Variants in PLEKHG7 observed in about 807,000 individuals in gnomAD.
The protein encoded by PLEKHG7 is pleckstrin homology domain-containing family G member 7.
PLEKHG7 carries 77 observed loss-of-function variants against 85.2 expected under a neutral mutation model. The observed-to-expected ratio is 0.90, with a 90% confidence interval of 0.75 to 1.09. PLEKHG7 has a LOEUF of 1.09. PLEKHG7 is among the 50% of genes least tolerant of loss of function. PLEKHG7 has a pLI of 0.00. For missense variants in PLEKHG7, 777 were observed against 804.3 expected (o/e 0.97, Z 0.41); for synonymous variants, 301 against 302.4 (o/e 1.00, Z 0.05).
At chr12:92,751,079 T>C (rs1872679195) in intron 10 of PLEKHG7, among the ~76,000 whole-genome samples, 1 of 152,226 alleles carries the variant, frequency 6.6e-6, no homozygotes, top group Admixed American at 6.5e-5. Flanking sequence ...ACTGCATTTA[T>C]AGGTCGATTT....
intron 7 of PLEKHG7, among the ~76,000 whole-genome samples, chr12:92,739,049 A>T (rs1872267779): frequency 6.6e-6 from 1 of 152,102 alleles, no homozygotes; most frequent in Non-Finnish European, 1.5e-5. Flanking sequence ...CTCAAAACAA[A>T]ACAAAACAAA....
At chr12:92,732,982 G>A (rs1188351517) in intron 5 of PLEKHG7, among the ~76,000 whole-genome samples, 5 of 152,164 alleles carry the variant, frequency 3.3e-5, no homozygotes, top group Admixed American at 6.6e-5. Flanking sequence ...CAGCAGCAGC[G>A]GGGCCTTATG....
chr12:92,735,212 T>C (rs1350204151), intron 5 of PLEKHG7, among the ~76,000 whole-genome samples: 1 of 152,240 alleles, frequency 6.6e-6, no homozygotes, highest in East Asian at 1.9e-4. Flanking sequence ...GCAGTCACTA[T>C]GGTTTCAGAC....
chr12:92,755,124 G>A (rs933666987), intron 11 of PLEKHG7, among the ~76,000 whole-genome samples: 2 of 152,138 alleles, frequency 1.3e-5, no homozygotes, highest in Non-Finnish European at 2.9e-5. Flanking sequence ...TTACTCATTT[G>A]GATGGGTTTG....
rs556505399 is a variant in PLEKHG7 at position 92,734,225 on chromosome 12, A to G, written c.699+1952A>G. 3.9e-5 allele frequency among the ~76,000 whole-genome samples: 6 copies of G among 152,226 alleles called. No homozygotes were observed. In the East Asian group the frequency reaches 1.2e-3, roughly 29 times the overall value. ...ACATCAATATAACAAACATACTTCT[A>G]TGTTGTCATGTGCTTTTCCAATCTT... On this transcript the variant is annotated intron_variant, in intron 5 of 16. Transcript: ENST00000344636.
At chr12:92,712,828 C>T (rs1456289985) in intron 3 of PLEKHG7, among the ~76,000 whole-genome samples, 4 of 152,096 alleles carry the variant, frequency 2.6e-5, no homozygotes, top group Non-Finnish European at 5.9e-5. Context: ...TCTGGGGACC[C>T]ACTGGACTCA....
At chr12:92,717,347 A>T (rs1435625395) in intron 3 of PLEKHG7, among the ~76,000 whole-genome samples, 1 of 152,254 alleles carries the variant, frequency 6.6e-6, no homozygotes, top group Non-Finnish European at 1.5e-5. Context: ...CCCCAAAGTC[A>T]GAGTCATCTG....
At chr12:92,744,348 C>T (rs1353619257) in intron 9 of PLEKHG7, among the ~76,000 whole-genome samples, 12 of 152,234 alleles carry the variant, frequency 7.9e-5, no homozygotes, top group African/African-American at 2.9e-4. Context: ...CTTCCAGTAA[C>T]GAGCCAGAAG....
intron 14 of PLEKHG7, among the ~76,000 whole-genome samples, chr12:92,762,433 G>A (rs1238422561): frequency 6.6e-6 from 1 of 152,096 alleles, no homozygotes; most frequent in Admixed American, 6.5e-5. Context: ...TAGTCAACTG[G>A]GAGCTAGAGC....
At chr12:92,747,808 T>C (rs1162402024) in intron 10 of PLEKHG7, among the ~76,000 whole-genome samples, 1 of 152,146 alleles carries the variant, frequency 6.6e-6, no homozygotes, top group Non-Finnish European at 1.5e-5. Flanking sequence ...AAGACAGATA[T>C]TGCATGTTCT....
In PLEKHG7 at chr12:92,705,767, G is replaced by A. The variant is rs533700348; in HGVS notation, c.-161-704G>A. ...TTCATGTGGGAAAGTACAGAATAAC[G>A]AAACTGCAATAAGCCACTCCCATGA... is the stretch of plus-strand genomic sequence containing the variant. On this transcript the variant is annotated intron_variant, in intron 1 of 16. Transcript: ENST00000344636. Among the ~76,000 whole-genome samples the A allele has an allele frequency of 4.6e-5, 7 of 152,298 alleles. No homozygotes were observed. The East Asian group carries it at 7.7e-4, about 17-fold the overall frequency.
At chr12:92,747,062 G>A (rs1028665942) in intron 10 of PLEKHG7, among the ~76,000 whole-genome samples, 3 of 152,116 alleles carry the variant, frequency 2.0e-5, no homozygotes, top group Non-Finnish European at 4.4e-5. Context: ...CTCCTGCACA[G>A]CAGAAGAAAC....
chr12:92,727,083 T>A (rs986903693), intron 3 of PLEKHG7, among the ~76,000 whole-genome samples: 5 of 152,152 alleles, frequency 3.3e-5, no homozygotes, highest in African/African-American at 1.2e-4. Context: ...AAACAGCAAG[T>A]AAGGCTGGAA....
At chr12:92,735,551 A>G (rs1436909704) in intron 5 of PLEKHG7, among the ~76,000 whole-genome samples, 1 of 152,250 alleles carries the variant, frequency 6.6e-6, no homozygotes, top group African/African-American at 2.4e-5. Flanking sequence ...AAAAATTGTG[A>G]TAAACATTCA....
In PLEKHG7 at chr12:92,754,092, G is replaced by A. The variant is rs147070589; in HGVS notation, c.1254G>A (p.Trp418Ter). Residue 418 changes from tryptophan (W) to a stop codon, truncating the protein, a stop_gained and splice_region_variant, in exon 11 of 17, where the codon TGG becomes TGA. Transcript: ENST00000344636. LOFTEE classifies it high-confidence loss of function. ...ATGGCTGCTTTTGCCTTCCCCAGTG[G>A]TGTGAGCAGAATGAACAATGCAGAC... ...QRDDFGIYLK[W>*]CEQNEQCRRL... 807 of 1,613,290 alleles carry A rather than the reference G, an allele frequency of 5.0e-4. 3 individuals are homozygous for A. The African/African-American group carries it at 9.7e-3, about 19-fold the overall frequency.
Position 92,737,385 on chromosome 12 carries a change from C to T in PLEKHG7, c.803C>T (p.Thr268Ile). ...GYDFYGLKDK[T>I]WDEVLETHHK... ...TTTTTCCCTCATGTACAGGATAAGA[C>T]CTGGGATGAAGTCTTGGAAACACAT... The change falls in exon 7 of 17, where the codon ACC becomes ATC. Residue 268 changes from threonine to isoleucine, a missense_variant. Transcript: ENST00000344636. The T allele has an allele frequency of 6.6e-7, 1 of 1,520,306 alleles. No individual in the cohort carries two copies. The allele number at this position is 1,520,306 out of a possible 1,614,324, so 94.2% of individuals were successfully genotyped here.
chr12:92,721,680 C>G (rs914838735), intron 3 of PLEKHG7, among the ~76,000 whole-genome samples: 1 of 76,806 alleles, frequency 1.3e-5, no homozygotes, highest in Non-Finnish European at 2.4e-5. Flanking sequence ...AAGCAAAGAA[C>G]CAGAATAGCC....
chr12:92,707,317 C>A, intron 2 of PLEKHG7, 179 bp downstream of exon 2: 1 of 1,429,444 alleles, frequency 7.0e-7, no homozygotes, highest in Non-Finnish European at 9.1e-7. Context: ...AGGAGGGCAG[C>A]AATCTGGGGA....
intron 1 of PLEKHG7, among the ~76,000 whole-genome samples, chr12:92,705,332 G>A (rs1408769478): frequency 6.8e-6 from 1 of 147,208 alleles, no homozygotes; most frequent in Non-Finnish European, 1.5e-5. Flanking sequence ...AGGTTTATTG[G>A]TTTTCAGCCT....
Sources: allele counts gnomAD v4.1 joint callset (sites outside exome capture counted in the v4.1 genomes callset), GRCh38; gene constraint gnomAD v4.1.1; transcripts MANE v1.5; gene names NCBI Gene and HGNC (gene_info 2026-07-23, HGNC 2026-07-21).